Variants in PRKCA observed in about 807,000 individuals in gnomAD.
PRKCA encodes protein kinase C alpha type.
A neutral mutation model predicts 87.0 loss-of-function variants in PRKCA; 27 were observed. The observed-to-expected ratio is 0.31, with a 90% CI of 0.23 to 0.43. PRKCA has a LOEUF of 0.43. PRKCA is among the 20% of genes least tolerant of loss of function. PRKCA has a pLI of 1.00. For missense variants in PRKCA, 518 were observed against 852.3 expected (o/e 0.61, Z 4.88); for synonymous variants, 329 against 311.1 (o/e 1.06, Z -0.61).
chr17:66,465,814 C>T (rs1418050599), intron 2 of PRKCA, among the ~76,000 whole-genome samples: 1 of 152,164 alleles, frequency 6.6e-6, no homozygotes, highest in African/African-American at 2.4e-5. Flanking sequence ...TCTTTCCACC[C>T]AAGCAAGGAA....
At chr17:66,451,391 AAAAC>A (rs1420204570) in intron 2 of PRKCA, among the ~76,000 whole-genome samples, 1 of 146,182 alleles carries the variant, frequency 6.8e-6, no homozygotes, top group Admixed American at 6.8e-5. Flanking sequence ...TTTATTACCT[AAAAC>A]AAGTTCAGTG....
chr17:66,546,205 A>G (rs933813765), intron 3 of PRKCA, among the ~76,000 whole-genome samples: 12 of 152,208 alleles, frequency 7.9e-5, no homozygotes, highest in Admixed American at 4.6e-4. Flanking sequence ...AATGACCACT[A>G]TCCTTTTATT....
intron 2 of PRKCA, among the ~76,000 whole-genome samples, chr17:66,473,220 G>A (rs1478710323): frequency 6.6e-6 from 1 of 152,186 alleles, no homozygotes; most frequent in African/African-American, 2.4e-5. Context: ...TAGCTCTGGT[G>A]CTTGTACCTG....
intron 10 of PRKCA, among the ~76,000 whole-genome samples, chr17:66,735,920 C>CTTTTTTTTTTTTTTTTTTTT (rs5821508): frequency 8.2e-6 from 1 of 122,114 alleles, no homozygotes; most frequent in Non-Finnish European, 1.6e-5. Flanking sequence ...TTCTTTCTTT[C>CTTTTTTTTTTTTTTTTTTTT]TTTTTTTTTT....
chr17:66,720,126 G>C (rs1973576834), intron 8 of PRKCA, among the ~76,000 whole-genome samples: 1 of 152,242 alleles, frequency 6.6e-6, no homozygotes, highest in Middle Eastern at 3.2e-3. Flanking sequence ...AATGAGAAGA[G>C]AGGGAGGGAG....
At chr17:66,522,939 G>A (rs902102151) in intron 3 of PRKCA, among the ~76,000 whole-genome samples, 7 of 152,132 alleles carry the variant, frequency 4.6e-5, no homozygotes, top group African/African-American at 1.7e-4. Flanking sequence ...TTCCTTGATA[G>A]ACCTTTGGTG....
At chr17:66,542,363 T>C (rs1341817960) in intron 3 of PRKCA, among the ~76,000 whole-genome samples, 4 of 152,084 alleles carry the variant, frequency 2.6e-5, no homozygotes, top group Non-Finnish European at 5.9e-5. Flanking sequence ...GGTTGGGAGA[T>C]AGGCAGTTAG....
chr17:66,735,661 T>A lies in PRKCA; in HGVS notation c.1229T>A (p.Val410Glu). 1.9e-6 allele frequency: 3 copies of A among 1,613,564 alleles called. No homozygotes were observed. Among genetic ancestry groups the A allele is most frequent in the Non-Finnish European group, 2.5e-6 (3 of 1,179,716 alleles). ...CAGCTGCACTCCTGCTTCCAGACAG[T>A]GGTAAGGACCCTGGGAATCCCTGCG... ...LTQLHSCFQT[V>E]DRLYFVMEYV... Residue 410 changes from valine (V) to glutamate (E), a missense_variant and splice_region_variant, in exon 10 of 17, where the codon GTG becomes GAG. Val to Glu is a moderately radical substitution (Grantham distance 121, BLOSUM62 -2). Coordinates refer to ENST00000413366, the MANE Select transcript of PRKCA (RefSeq NM_002737.3).
intron 3 of PRKCA, among the ~76,000 whole-genome samples, chr17:66,587,889 GTGTGTGTATATATATA>G (rs1969665549): frequency 1.1e-5 from 1 of 94,230 alleles, no homozygotes; most frequent in African/African-American, 5.0e-5. Flanking sequence ...GTGTGTGTGT[GTGTGTGTATATATATA>G]TATATATATA....
chr17:66,798,395 GT>G (rs1975723907), intron 16 of PRKCA, among the ~76,000 whole-genome samples: 1 of 99,096 alleles, frequency 1.0e-5, no homozygotes, highest in East Asian at 3.1e-4. Context: ...GGTGGTGGTG[GT>G]GGTGGTGGTG....
At chr17:66,367,455 T>C (rs1908803609) in intron 2 of PRKCA, among the ~76,000 whole-genome samples, 1 of 152,262 alleles carries the variant, frequency 6.6e-6, no homozygotes, top group Non-Finnish European at 1.5e-5. Context: ...GCCACTGCTG[T>C]ACCTAAAACA....
At chr17:66,562,778 G>A (rs183951802) in intron 3 of PRKCA, among the ~76,000 whole-genome samples, 76 of 152,166 alleles carry the variant, frequency 5.0e-4, no homozygotes, top group Admixed American at 3.5e-3. Context: ...TGTATTTTTA[G>A]TAGAGACAGG....
In PRKCA at chr17:66,641,484, T is replaced by A; in HGVS notation, c.400+18T>A. ...ATGTGACAGTAAGTAAGTTTTCTTT[T>A]CCAGTTCATAGCGAGGCTCTGTAGC... On this transcript the variant is annotated intron_variant, in intron 4 of 16. Coordinates refer to ENST00000413366, the MANE Select transcript of PRKCA (RefSeq NM_002737.3). 6.3e-7 allele frequency: 1 copy of A among 1,581,302 alleles called. No individual in the cohort carries two copies. Among genetic ancestry groups the A allele is most frequent in the Non-Finnish European group, 8.7e-7 (1 of 1,153,460 alleles).
At chr17:66,566,645 G>T (rs1968912034) in intron 3 of PRKCA, among the ~76,000 whole-genome samples, 1 of 152,066 alleles carries the variant, frequency 6.6e-6, no homozygotes, top group Admixed American at 6.6e-5. Flanking sequence ...CTTCTAGCAT[G>T]AAATATAATC....
At chr17:66,659,427 A>T (rs1158276) in intron 5 of PRKCA, among the ~76,000 whole-genome samples, 5 of 151,914 alleles carry the variant, frequency 3.3e-5, no homozygotes, top group South Asian at 2.1e-4. Flanking sequence ...TTGAAAGTCA[A>T]GGATGTAGGC....
chr17:66,489,352 C>CATATAT lies in PRKCA; in HGVS notation c.206-6810_206-6805dup, dbSNP rs10529618. ...AAATGGAAAATGACCCTTAGCAGTG[C>CATATAT]ATATATATATATATATATATATATA... On this transcript the variant is annotated intron_variant, in intron 2 of 16. Transcript: ENST00000413366. Among the ~76,000 whole-genome samples, 787 of 98,788 alleles carry CATATAT rather than the reference C, an allele frequency of 8.0e-3. 11 individuals are homozygous for CATATAT. Among genetic ancestry groups the CATATAT allele is most frequent in the East Asian group, 0.012 (38 of 3,272 alleles). The allele number at this position is 98,788 out of a possible 152,430, so 64.8% of individuals were successfully genotyped here.
intron 16 of PRKCA, chr17:66,796,443 T>G: frequency 2.0e-6 from 2 of 985,308 alleles, no homozygotes; most frequent in South Asian, 9.4e-5. Context: ...GTTCTTATTC[T>G]CCAGACTTTG....
intron 2 of PRKCA, among the ~76,000 whole-genome samples, chr17:66,332,104 T>C (rs1450364047): frequency 6.6e-6 from 1 of 152,074 alleles, no homozygotes; most frequent in African/African-American, 2.4e-5. Context: ...CCATTCATAA[T>C]AGGATGTATA....
At chr17:66,614,856 A>G (rs1280105210) in intron 3 of PRKCA, among the ~76,000 whole-genome samples, 1 of 152,214 alleles carries the variant, frequency 6.6e-6, no homozygotes, top group African/African-American at 2.4e-5. Flanking sequence ...ATTGTAATTC[A>G]TGGGCATATC....
Sources: allele counts gnomAD v4.1 joint callset (sites outside exome capture counted in the v4.1 genomes callset), GRCh38; gene constraint gnomAD v4.1.1; transcripts MANE v1.5; gene names NCBI Gene and HGNC (gene_info 2026-07-23, HGNC 2026-07-21).